Variants in DYNC1I1 observed in about 807,000 individuals in gnomAD.
DYNC1I1 encodes the protein cytoplasmic dynein 1 intermediate chain 1.
DYNC1I1 carries 43 observed loss-of-function variants against 86.6 expected under a neutral mutation model. The ratio of observed to expected loss-of-function variants is 0.50; its 90% CI spans 0.39 to 0.64. The LOEUF (loss-of-function observed/expected upper bound fraction) is 0.64. Ranked by LOEUF, DYNC1I1 falls within the 30% of genes least tolerant of loss-of-function variation. The pLI, the probability that DYNC1I1 is intolerant of heterozygous loss-of-function variation, is 0.00. For synonymous variants in DYNC1I1, 262 were observed against 283.7 expected (o/e 0.92, Z 0.77); for missense variants, 604 against 788.8 (o/e 0.77, Z 2.81).
At chr7:96,035,161 C>G (rs1216690889) in intron 12 of DYNC1I1, among the ~76,000 whole-genome samples, 1 of 152,186 alleles carries the variant, frequency 6.6e-6, no homozygotes, top group Non-Finnish European at 1.5e-5. Context: ...ACCTGAGTGA[C>G]AACTTTCTGG....
chr7:96,020,464 A>G (rs1414089229), intron 10 of DYNC1I1, among the ~76,000 whole-genome samples: 1 of 152,178 alleles, frequency 6.6e-6, no homozygotes, highest in Non-Finnish European at 1.5e-5. Context: ...CAGCGCAAGA[A>G]CACCATGGGA....
chr7:96,058,286 T>C (rs1358254126), intron 14 of DYNC1I1, among the ~76,000 whole-genome samples: 5 of 152,246 alleles, frequency 3.3e-5, no homozygotes, highest in Non-Finnish European at 7.3e-5. Context: ...TTTGTGTTTT[T>C]AACTTTGATA....
chr7:96,105,300 T>C (rs1034626481), intron 16 of DYNC1I1, among the ~76,000 whole-genome samples: 1 of 152,008 alleles, frequency 6.6e-6, no homozygotes, highest in Non-Finnish European at 1.5e-5. Flanking sequence ...TCTTATCTTT[T>C]TTCCTCCTGT....
At chr7:95,985,061 C>A (rs1382822939) in intron 8 of DYNC1I1, 84 bp downstream of exon 8, 2 of 1,549,884 alleles carry the variant, frequency 1.3e-6, no homozygotes, top group East Asian at 4.7e-5. Flanking sequence ...TAGGAAAATT[C>A]CAAATTAAGA....
At chr7:95,977,953 G>C (rs1162293307) in intron 7 of DYNC1I1, among the ~76,000 whole-genome samples, 1 of 152,122 alleles carries the variant, frequency 6.6e-6, no homozygotes, top group South Asian at 2.1e-4. Flanking sequence ...TAATTATTTT[G>C]TGAATAAATT....
intron 16 of DYNC1I1, among the ~76,000 whole-genome samples, chr7:96,108,688 C>G (rs140983381): frequency 2.3e-3 from 353 of 151,714 alleles, no homozygotes; most frequent in African/African-American, 8.2e-3. Flanking sequence ...ATGGTAAAAC[C>G]CCGTCTCTAC....
chr7:95,981,457 C>CA (rs148829479), intron 7 of DYNC1I1, among the ~76,000 whole-genome samples: 22,617 of 151,990 alleles, frequency 0.15, 1,958 homozygotes, highest in Non-Finnish European at 0.19. Flanking sequence ...TTGCAGGCCA[C>CA]AAATTTGTAG....
At chr7:95,863,367 C>T (rs1414424110) in intron 5 of DYNC1I1, among the ~76,000 whole-genome samples, 1 of 151,954 alleles carries the variant, frequency 6.6e-6, no homozygotes, top group African/African-American at 2.4e-5. Flanking sequence ...GGAGTGACTG[C>T]CAGTAGGCAC....
chr7:95,873,154 G>A (rs1001350491), intron 6 of DYNC1I1, among the ~76,000 whole-genome samples: 9 of 152,148 alleles, frequency 5.9e-5, no homozygotes, highest in Non-Finnish European at 1.2e-4. Flanking sequence ...GTATCTTGTG[G>A]TCAAGGTTTA....
intron 10 of DYNC1I1, among the ~76,000 whole-genome samples, chr7:96,021,797 A>G (rs1794558018): frequency 6.6e-6 from 1 of 152,158 alleles, no homozygotes; most frequent in African/African-American, 2.4e-5. Flanking sequence ...CAGTTAGCGT[A>G]ATGATTTCAA....
chr7:95,991,532 C>T (rs944804852), intron 9 of DYNC1I1, among the ~76,000 whole-genome samples: 3 of 152,174 alleles, frequency 2.0e-5, no homozygotes, highest in South Asian at 2.1e-4. Flanking sequence ...ACCCCTTTGC[C>T]AGCTCCCAGG....
At chr7:95,945,674 A>G (rs1792378380) in intron 6 of DYNC1I1, among the ~76,000 whole-genome samples, 1 of 146,472 alleles carries the variant, frequency 6.8e-6, no homozygotes, top group Non-Finnish European at 1.5e-5. Flanking sequence ...TTTATGACCC[A>G]ACTGGCACAT....
intron 6 of DYNC1I1, among the ~76,000 whole-genome samples, chr7:95,916,222 T>C (rs1791464335): frequency 6.6e-6 from 1 of 152,238 alleles, no homozygotes; most frequent in Non-Finnish European, 1.5e-5. Context: ...AAAACATTTC[T>C]CAAAATGAAA....
chr7:95,922,466 C>T (rs1791635964), intron 6 of DYNC1I1, among the ~76,000 whole-genome samples: 1 of 152,068 alleles, frequency 6.6e-6, no homozygotes, highest in African/African-American at 2.4e-5. Flanking sequence ...TTCTGTACTC[C>T]ATGTGTGGCA....
Position 95,955,105 on chromosome 7 carries a change from T to C in DYNC1I1, c.491-22407T>C, listed in dbSNP as rs1054302898. On this transcript the variant is annotated intron_variant, in intron 6 of 16. Coordinates refer to ENST00000447467, the MANE Select transcript of DYNC1I1 (RefSeq NM_001135556.2). ...AAGAGTAAGCCTTTACAAATTTTTA[T>C]AGGGATTTAACATTGCTGTGACTTC... Among the ~76,000 whole-genome samples, 3 of 152,108 alleles carry C rather than the reference T, an allele frequency of 2.0e-5. No homozygotes were observed. The South Asian group carries it at 6.2e-4, about 32-fold the overall frequency.
chr7:95,937,199 C>A (rs78093309), intron 6 of DYNC1I1, among the ~76,000 whole-genome samples: 1 of 151,810 alleles, frequency 6.6e-6, no homozygotes, highest in Non-Finnish European at 1.5e-5. Flanking sequence ...TTAAAGGGTA[C>A]GGAGTTTCAG....
At chr7:95,793,768 A>G (rs1294133091) in intron 1 of DYNC1I1, among the ~76,000 whole-genome samples, 2 of 152,204 alleles carry the variant, frequency 1.3e-5, no homozygotes, top group African/African-American at 2.4e-5. Context: ...CATAGGGACC[A>G]ATGTCCAGGG....
rs932120094 is a variant in DYNC1I1 at position 96,087,510 on chromosome 7, G to A, written c.1776+7022G>A. On this transcript the variant is annotated intron_variant, in intron 16 of 16. Coordinates refer to ENST00000447467, the MANE Select transcript of DYNC1I1 (RefSeq NM_001135556.2). Reference sequence around the variant, plus strand: ...GCCATTAATTTCCTAGATTCTTGAAGGCCTTTGCAAGTACTGGCTTATTCT... The same window carrying A: ...GCCATTAATTTCCTAGATTCTTGAAAGCCTTTGCAAGTACTGGCTTATTCT... Among the ~76,000 whole-genome samples, 4 of 152,282 alleles carry A rather than the reference G, an allele frequency of 2.6e-5. No homozygotes were observed. The South Asian group carries it at 8.3e-4, about 32-fold the overall frequency.
chr7:96,090,455 T>A (rs1202679649), intron 16 of DYNC1I1, among the ~76,000 whole-genome samples: 1 of 152,174 alleles, frequency 6.6e-6, no homozygotes, highest in Non-Finnish European at 1.5e-5. Context: ...TTTACTTGAC[T>A]TTTATGTCCT....
Sources: allele counts gnomAD v4.1 joint callset (sites outside exome capture counted in the v4.1 genomes callset), GRCh38; gene constraint gnomAD v4.1.1; transcripts MANE v1.5; gene names NCBI Gene and HGNC (gene_info 2026-07-23, HGNC 2026-07-21).